The following PEX3 variants were observed in gnomAD, a reference collection of about 807,000 sequenced individuals.
The protein encoded by PEX3 is peroxin-3.
A neutral mutation model predicts 55.8 loss-of-function variants in PEX3; 30 were observed. That is an observed-to-expected ratio of 0.54 (90% CI 0.40 to 0.73). The LOEUF (loss-of-function observed/expected upper bound fraction) is 0.73. Among genes scored for constraint, PEX3 ranks in the 30% least tolerant of loss-of-function variants. The pLI is 0.00. For synonymous variants in PEX3, 135 were observed against 148.4 expected (o/e 0.91, Z 0.66); for missense variants, 351 against 432.8 (o/e 0.81, Z 1.68).
intron 9 of PEX3, among the ~76,000 whole-genome samples, chr6:143,477,342 A>G (rs773709822): frequency 6.6e-6 from 1 of 152,176 alleles, no homozygotes; most frequent in African/African-American, 2.4e-5. Flanking sequence ...TAGCTCACCA[A>G]TGTATCTTCA....
chr6:143,474,086 A>G (rs1183563121), intron 8 of PEX3, among the ~76,000 whole-genome samples: 4 of 151,992 alleles, frequency 2.6e-5, no homozygotes, highest in African/African-American at 7.2e-5. Context: ...AGCTATGATC[A>G]TGCCACTGCA....
In PEX3 at chr6:143,472,802, T is replaced by G. The variant is rs1449622907; in HGVS notation, c.747+474T>G. Among the ~76,000 whole-genome samples, 3 of 152,146 alleles carry G rather than the reference T, an allele frequency of 2.0e-5. No individual in the cohort carries two copies. In the East Asian group the frequency reaches 5.8e-4, roughly 29 times the overall value. ...GATTTTAACCAGTCCAATAACACAA[T>G]CACCTTTGCTTTTTAAAAAAGTTAA... On this transcript the variant is annotated intron_variant, in intron 8 of 11. Coordinates refer to ENST00000367591, the MANE Select transcript of PEX3 (RefSeq NM_003630.3).
At chr6:143,478,717 A>G (rs908417404) in intron 9 of PEX3, among the ~76,000 whole-genome samples, 3 of 151,958 alleles carry the variant, frequency 2.0e-5, no homozygotes, top group African/African-American at 7.2e-5. Context: ...ACACAATAAT[A>G]TTTTCTGTCT....
intron 10 of PEX3, among the ~76,000 whole-genome samples, chr6:143,481,517 A>G (rs984842925): frequency 5.9e-5 from 9 of 152,054 alleles, no homozygotes; most frequent in African/African-American, 2.2e-4. Flanking sequence ...CCAAATTTTT[A>G]ATTATTCTCC....
At chr6:143,470,469 C>T (rs1780057960) in intron 4 of PEX3, among the ~76,000 whole-genome samples, 1 of 152,154 alleles carries the variant, frequency 6.6e-6, no homozygotes, top group Non-Finnish European at 1.5e-5. Flanking sequence ...TTCACTCTCT[C>T]CTCTGTTTTG....
At chr6:143,474,361 A>G (rs1049614908) in intron 8 of PEX3, among the ~76,000 whole-genome samples, 5 of 151,590 alleles carry the variant, frequency 3.3e-5, no homozygotes, top group African/African-American at 1.2e-4. Context: ...CAGGAGGTTG[A>G]GGCAGGAGAA....
In PEX3 at chr6:143,483,183, G is replaced by A. The variant is rs185092448; in HGVS notation, c.942-1969G>A. 7.2e-5 allele frequency among the ~76,000 whole-genome samples: 11 copies of A among 152,168 alleles called. No homozygotes were observed. The East Asian group carries it at 1.9e-3, about 27-fold the overall frequency. ...AATTCACAAAAGAGCAGATGGAAAT[G>A]GCCAGTTTGTTAATCTAAGATTTAT... On this transcript the variant is annotated intron_variant, in intron 10 of 11. Coordinates refer to ENST00000367591, the MANE Select transcript of PEX3 (RefSeq NM_003630.3). The surrounding 1 kb of genome is among the most constrained non-coding windows in gnomAD (Gnocchi z 4.3).
chr6:143,472,481 C>T (rs536865260), intron 8 of PEX3, 153 bp downstream of exon 8: 10 of 640,578 alleles, frequency 1.6e-5, no homozygotes, highest in South Asian at 1.3e-4. Context: ...TTTAGAAAAA[C>T]AGCCATTATG....
chr6:143,484,202 A>G (rs2294506), intron 10 of PEX3, among the ~76,000 whole-genome samples: 48,246 of 152,074 alleles, frequency 0.32, 8,765 homozygotes, highest in African/African-American at 0.5. Flanking sequence ...ATTGCATCAC[A>G]TACATACAGT....
In PEX3 at chr6:143,459,171, C is replaced by T. The variant is rs776831462; in HGVS notation, c.160C>T (p.Arg54Ter). 8 of 1,611,772 alleles carry T rather than the reference C, an allele frequency of 5.0e-6. No individual in the cohort carries two copies. The highest frequency in any genetic ancestry group is 2.2e-5 in the East Asian group (1 of 44,818). The stretch of plus-strand genomic sequence containing the variant: ...TGCAGAATACATTGCCCAAGCACGA[C>T]GACAATATCATTTTGAAAGTAACCA... ...EAAEYIAQAR[R>*]QYHFESNQRT... Residue 54 changes from arginine (R) to a stop codon, truncating the protein, a stop_gained, in exon 2 of 12, where the codon CGA (arginine) becomes TGA (stop). Coordinates refer to ENST00000367591, the MANE Select transcript of PEX3 (RefSeq NM_003630.3). LOFTEE classifies it high-confidence loss of function. This position sits in a 1 kb window ranked among gnomAD's most constrained non-coding sequence, Gnocchi z 4.2.
In PEX3 at chr6:143,462,029, A is replaced by G. The variant is rs927177894; in HGVS notation, c.206-887A>G. ...TTTAGGGTTTAGAGACTCATTTTAC[A>G]TTTTTATATGTGTATTCCTCCATTT... On this transcript the variant is annotated intron_variant, in intron 2 of 11. Coordinates refer to ENST00000367591, the MANE Select transcript of PEX3 (RefSeq NM_003630.3). This position sits in a 1 kb window ranked among gnomAD's most constrained non-coding sequence, Gnocchi z 4.1. Among the ~76,000 whole-genome samples, 14 of 152,136 alleles carry G rather than the reference A, an allele frequency of 9.2e-5. No homozygotes were observed. Among genetic ancestry groups the G allele is most frequent in the African/African-American group, 2.4e-4 (10 of 41,430 alleles).
Position 143,462,826 on chromosome 6 carries a change from C to G in PEX3, c.206-90C>G. On this transcript the variant is annotated intron_variant, in intron 2 of 11. Coordinates refer to ENST00000367591, the MANE Select transcript of PEX3 (RefSeq NM_003630.3). The surrounding 1 kb of genome is among the most constrained non-coding windows in gnomAD (Gnocchi z 4.1). ...CTTCTGACTCTTGCTAGTTGCTAGCCCTATCATATAGCCTAAAACAATGCG... is the reference window on the plus strand; with the variant it reads ...CTTCTGACTCTTGCTAGTTGCTAGCGCTATCATATAGCCTAAAACAATGCG... The G allele has an allele frequency of 1.1e-6, 1 of 912,108 alleles. No individual in the cohort carries two copies. The allele number at this position is 912,108 out of a possible 1,614,324, so 56.5% of individuals were successfully genotyped here. A position where few individuals can be genotyped will look rare whatever the true frequency, so the allele number is the denominator to read the frequency against.
In PEX3 at chr6:143,485,781, GGAGTAATTCAGTAATTCATT is replaced by G. The variant is rs1342575531; in HGVS notation, c.1038+560_1038+579del. Among the ~76,000 whole-genome samples the G allele has an allele frequency of 4.6e-5, 7 of 152,152 alleles. No homozygotes were observed. The highest frequency in any genetic ancestry group is 2.1e-4 in the South Asian group (1 of 4,820). The stretch of plus-strand genomic sequence containing the variant: ...TTCTTCATTTCCATTTGGAATGCAT[GGAGTAATTCAGTAATTCATT>G]GAGTAATTCAGTAATTCATTGAGTA... On this transcript the variant is annotated intron_variant, in intron 11 of 11. Transcript: ENST00000367591. This position sits in a 1 kb window ranked among gnomAD's most constrained non-coding sequence, Gnocchi z 5.6.
At position 143,475,867 on chromosome 6, in the gene PEX3, C is replaced by T. The variant is rs1780144348; in HGVS notation, c.818+1011C>T. 6.6e-6 allele frequency among the ~76,000 whole-genome samples: 1 copy of T among 152,208 alleles called. No homozygotes were observed. Among genetic ancestry groups the T allele is most frequent in the Admixed American group, 6.5e-5 (1 of 15,276 alleles). Reference sequence around the variant, plus strand: ...TAGATAGAAATAATTTGTTCATTCACTTAATTCATTTATCTCATTGAATTA... The same window carrying T: ...TAGATAGAAATAATTTGTTCATTCATTTAATTCATTTATCTCATTGAATTA... On this transcript the variant is annotated intron_variant, in intron 9 of 11. Coordinates refer to ENST00000367591, the MANE Select transcript of PEX3 (RefSeq NM_003630.3). The surrounding 1 kb of genome is among the most constrained non-coding windows in gnomAD (Gnocchi z 4.4).
intron 2 of PEX3, among the ~76,000 whole-genome samples, chr6:143,460,975 A>T (rs1779910254): frequency 1.3e-5 from 2 of 151,958 alleles, no homozygotes; most frequent in South Asian, 4.2e-4. Flanking sequence ...AGATGCTAGG[A>T]TGGGATTAGA....
chr6:143,452,139 C>T (rs942107090), intron 1 of PEX3, among the ~76,000 whole-genome samples: 1 of 152,138 alleles, frequency 6.6e-6, no homozygotes, highest in Non-Finnish European at 1.5e-5. Flanking sequence ...AAACAATTTG[C>T]AATTAATACC....
At position 143,475,106 on chromosome 6, in the gene PEX3, A is replaced by G. The variant is rs2128747133; in HGVS notation, c.818+250A>G. Among the ~76,000 whole-genome samples the G allele has an allele frequency of 6.6e-6, 1 of 152,240 alleles. No individual in the cohort carries two copies. The highest frequency in any genetic ancestry group is 2.1e-4 in the South Asian group (1 of 4,820). On this transcript the variant is annotated intron_variant, in intron 9 of 11. Transcript: ENST00000367591. This position sits in a 1 kb window ranked among gnomAD's most constrained non-coding sequence, Gnocchi z 4.4. ...TTCCAGTCTTTTGTTTTTCCTCAGT[A>G]GGATTGTCCACTTTTTTGTTATTCA...
chr6:143,455,277 C>T (rs1233998024), intron 1 of PEX3, among the ~76,000 whole-genome samples: 1 of 151,642 alleles, frequency 6.6e-6, no homozygotes, highest in Non-Finnish European at 1.5e-5. Context: ...ACGGCAAGCT[C>T]CGCCTCCTGG....
At position 143,479,690 on chromosome 6, in the gene PEX3, T is replaced by A. The variant is rs938429702; in HGVS notation, c.941+492T>A. On this transcript the variant is annotated intron_variant, in intron 10 of 11. Transcript: ENST00000367591. This position sits in a 1 kb window ranked among gnomAD's most constrained non-coding sequence, Gnocchi z 4.6. The stretch of plus-strand genomic sequence containing the variant: ...ATTCATTCCAGTCCTTATTACAGAA[T>A]TAGGAACATGTATTAGTGCAATTGT... Among the ~76,000 whole-genome samples the A allele has an allele frequency of 6.6e-6, 1 of 152,072 alleles. No homozygotes were observed. The highest frequency in any genetic ancestry group is 1.5e-5 in the Non-Finnish European group (1 of 67,932).
Sources: allele counts gnomAD v4.1 joint callset (sites outside exome capture counted in the v4.1 genomes callset), GRCh38; gene constraint gnomAD v4.1.1; non-coding constraint Gnocchi (gnomAD v3.1); transcripts MANE v1.5; gene names NCBI Gene and HGNC (gene_info 2026-07-23, HGNC 2026-07-21).